Variants in NEK1 observed in about 807,000 individuals in gnomAD.
NEK1 encodes NIMA related kinase 1.
A neutral mutation model predicts 182.1 loss-of-function variants in NEK1; 137 were observed. That is an observed-to-expected ratio of 0.75 (90% CI 0.65 to 0.87). NEK1 has a LOEUF of 0.87. NEK1 is among the 40% of genes least tolerant of loss of function. The pLI is 0.00. For missense variants in NEK1, 1,391 were observed against 1,494.4 expected (o/e 0.93, Z 1.14); for synonymous variants, 513 against 492.2 (o/e 1.04, Z -0.56).
intron 10 of NEK1, among the ~76,000 whole-genome samples, chr4:169,583,476 A>C (rs1767024198): frequency 6.6e-6 from 1 of 152,236 alleles, no homozygotes; most frequent in Non-Finnish European, 1.5e-5. Context: ...CTATGTATAT[A>C]ATAAACACAT....
chr4:169,590,364 T>A (rs1222449812), intron 6 of NEK1, among the ~76,000 whole-genome samples: 2 of 144,698 alleles, frequency 1.4e-5, no homozygotes, highest in South Asian at 4.3e-4. Flanking sequence ...AAAAGGCACA[T>A]ACTTCATAAT....
At chr4:169,503,112 G>A (rs1752672329) in intron 23 of NEK1, among the ~76,000 whole-genome samples, 1 of 151,992 alleles carries the variant, frequency 6.6e-6, no homozygotes, top group Admixed American at 6.6e-5. Context: ...AATCAGTAAT[G>A]CAATCTCATT....
At chr4:169,611,149 T>C (rs965068343) in intron 2 of NEK1, among the ~76,000 whole-genome samples, 2 of 152,206 alleles carry the variant, frequency 1.3e-5, no homozygotes, top group Non-Finnish European at 2.9e-5. Flanking sequence ...GGCAGGAGAT[T>C]AGACAGGGCA....
At chr4:169,593,820 T>G (rs887623336) in intron 5 of NEK1, among the ~76,000 whole-genome samples, 1 of 151,654 alleles carries the variant, frequency 6.6e-6, no homozygotes, top group East Asian at 1.9e-4. Flanking sequence ...AACCCCGTCT[T>G]TACTAAAAAT....
chr4:169,549,453 G>A (rs1475320505), intron 18 of NEK1, among the ~76,000 whole-genome samples: 1 of 152,168 alleles, frequency 6.6e-6, no homozygotes, highest in Non-Finnish European at 1.5e-5. Flanking sequence ...ACAGAATTTT[G>A]CTCTTGTCGC....
chr4:169,513,162 T>C (rs1466460064), intron 19 of NEK1, among the ~76,000 whole-genome samples: 1 of 152,192 alleles, frequency 6.6e-6, no homozygotes, highest in Non-Finnish European at 1.5e-5. Flanking sequence ...AATTGCATTA[T>C]CTCTCCAATT....
chr4:169,485,139 T>G (rs1398949290), intron 23 of NEK1, among the ~76,000 whole-genome samples: 1 of 152,202 alleles, frequency 6.6e-6, no homozygotes, highest in East Asian at 1.9e-4. Flanking sequence ...AATAATGATC[T>G]TCAGCAGCCT....
intron 31 of NEK1, among the ~76,000 whole-genome samples, chr4:169,413,073 A>G (rs527827803): frequency 1.3e-5 from 2 of 152,088 alleles, no homozygotes; most frequent in Admixed American, 6.6e-5. Context: ...ACTTAACATC[A>G]TAGGTGTGTG....
At chr4:169,528,693 T>A (rs1757249409) in intron 19 of NEK1, among the ~76,000 whole-genome samples, 2 of 152,230 alleles carry the variant, frequency 1.3e-5, no homozygotes, top group African/African-American at 4.8e-5. Context: ...CACAATTATA[T>A]TTGAAGACTT....
At chr4:169,503,662 T>C (rs997557600) in intron 23 of NEK1, among the ~76,000 whole-genome samples, 10 of 152,086 alleles carry the variant, frequency 6.6e-5, no homozygotes, top group Admixed American at 3.3e-4. Flanking sequence ...AAACTGGATA[T>C]CCATATGCAG....
rs568140753 is a variant in NEK1, at chr4:169,605,302, T to C, written c.-48-2624A>G. ...TTACTGAACATTGTGGTTCTAACTC[T>C]ATAAAGCAGACCTACTGATCCTGTT... On this transcript the variant is annotated intron_variant, in intron 2 of 35. Coordinates refer to ENST00000507142, the MANE Select transcript of NEK1 (RefSeq NM_001199397.3). 2.0e-5 allele frequency among the ~76,000 whole-genome samples: 3 copies of C among 152,288 alleles called. No homozygotes were observed. The South Asian group carries it at 6.2e-4, about 32-fold the overall frequency.
chr4:169,589,558 A>G (rs1444848728), intron 6 of NEK1, 44 bp from the exon 7 acceptor site: 2 of 1,173,822 alleles, frequency 1.7e-6, no homozygotes, highest in Non-Finnish European at 2.4e-6. Flanking sequence ...ATATTGTTAC[A>G]GTCCAGTTCT....
rs1482831956 is a variant in NEK1 at position 169,561,567 on chromosome 4, GA to G, written c.1192-14del. The stretch of plus-strand genomic sequence containing the variant: ...TTATTCTTTCCAACTTTGGGGAAAA[GA>G]AATAAACAAAACACCATTTCAAGTA... On this transcript the variant is annotated splice_polypyrimidine_tract_variant and intron_variant, in intron 15 of 35. Transcript: ENST00000507142. 1 of 1,611,364 alleles carries G rather than the reference GA, an allele frequency of 6.2e-7. No individual in the cohort carries two copies. Among genetic ancestry groups the G allele is most frequent in the Non-Finnish European group, 8.5e-7 (1 of 1,178,552 alleles).
Position 169,556,183 on chromosome 4 carries a change from T to G in NEK1, c.1267-88A>C, listed in dbSNP as rs144154250. On this transcript the variant is annotated intron_variant, in intron 16 of 35. Coordinates refer to ENST00000507142, the MANE Select transcript of NEK1 (RefSeq NM_001199397.3). Reference sequence around the variant, plus strand: ...TCTCAAAAGAAAAAGTAAATTTCAATGCTTCACTTTTAAAAAGTAATTACT... The same window carrying G: ...TCTCAAAAGAAAAAGTAAATTTCAAGGCTTCACTTTTAAAAAGTAATTACT... 23 of 1,202,538 alleles carry G rather than the reference T, an allele frequency of 1.9e-5. No homozygotes were observed. The Admixed American group carries it at 5.8e-4, about 30-fold the overall frequency. 74.5% of individuals were successfully genotyped at this position (1,202,538 alleles called of 1,614,324 possible).
rs60586351 is a variant in NEK1, at chr4:169,397,228, GA to G, written c.3848-2706del. Among the ~76,000 whole-genome samples the G allele has an allele frequency of 1.4e-3, 212 of 146,968 alleles. 1 individual carries two copies. The highest frequency in any genetic ancestry group is 7.0e-3 in the Middle Eastern group (2 of 284). On this transcript the variant is annotated intron_variant, in intron 35 of 35. Transcript: ENST00000507142. ...GACAGAGCAAGGCCCTGTCTCCATA[GA>G]AAAAAAAAAATCCCAACAAAAAACT...
At chr4:169,589,310 T>G (rs1354256015) in intron 7 of NEK1, 137 bp downstream of exon 7, 2 of 652,158 alleles carry the variant, frequency 3.1e-6, no homozygotes, top group Non-Finnish European at 5.4e-6. Flanking sequence ...GATGCCTTTC[T>G]CAGAACATGT....
intron 29 of NEK1, among the ~76,000 whole-genome samples, chr4:169,427,127 AATTT>A (rs1401325329): frequency 6.6e-6 from 1 of 151,756 alleles, no homozygotes; most frequent in Admixed American, 6.6e-5. Flanking sequence ...TTATCTTTTA[AATTT>A]ATTTATTTAT....
At chr4:169,400,379 A>T (rs1731451365) in intron 34 of NEK1, 22 bp from the exon 35 acceptor site, 24 of 1,447,604 alleles carry the variant, frequency 1.7e-5, no homozygotes, top group Non-Finnish European at 2.1e-5. Flanking sequence ...TCCCAAATAT[A>T]AATTAATATT....
intron 26 of NEK1, among the ~76,000 whole-genome samples, chr4:169,465,726 G>A (rs868445358): frequency 1.3e-5 from 2 of 152,160 alleles, no homozygotes; most frequent in Middle Eastern, 6.8e-3. Flanking sequence ...TGTTGATGCA[G>A]AAAAGGTAAA....
Sources: allele counts gnomAD v4.1 joint callset (sites outside exome capture counted in the v4.1 genomes callset), GRCh38; gene constraint gnomAD v4.1.1; transcripts MANE v1.5; gene names NCBI Gene and HGNC (gene_info 2026-07-23, HGNC 2026-07-21).